DHX37: variants seen among roughly 807,000 people sequenced by gnomAD.
DHX37 encodes the protein probable ATP-dependent RNA helicase DHX37.
Under a neutral mutation model 134.3 loss-of-function variants are expected in DHX37, and 52 were observed. The observed-to-expected ratio is 0.39, with a 90% confidence interval of 0.31 to 0.49. The LOEUF (loss-of-function observed/expected upper bound fraction) is 0.49, where lower values mean the gene tolerates loss of function less well. Among genes scored for constraint, DHX37 ranks in the 20% least tolerant of loss-of-function variants. DHX37 has a pLI of 0.93. For missense variants in DHX37, 1,344 were observed against 1,580.8 expected (o/e 0.85, Z 2.54); for synonymous variants, 634 against 670.7 (o/e 0.95, Z 0.85).
chr12:124,949,957 C>T lies in DHX37; in HGVS notation c.3290+29G>A. On this transcript the variant is annotated intron_variant, in intron 25 of 26. Coordinates refer to ENST00000308736, the MANE Select transcript of DHX37 (RefSeq NM_032656.4). This position sits in a 1 kb window ranked among gnomAD's most constrained non-coding sequence, Gnocchi z 4.0. ...ATTCAGGCCTCGGACCCCTCCTGCCCACTGCGAGGCTCCCACCGAAGGCAG... is the reference window on the plus strand; with the variant it reads ...ATTCAGGCCTCGGACCCCTCCTGCCTACTGCGAGGCTCCCACCGAAGGCAG... 3.8e-6 allele frequency: 6 copies of T among 1,588,164 alleles called. No individual in the cohort carries two copies. Among genetic ancestry groups the T allele is most frequent in the Non-Finnish European group, 5.2e-6 (6 of 1,164,706 alleles).
intron 3 of DHX37, among the ~76,000 whole-genome samples, chr12:124,981,950 C>G (rs1180350630): frequency 6.6e-6 from 1 of 151,536 alleles, no homozygotes; most frequent in Non-Finnish European, 1.5e-5. Flanking sequence ...ATGGAGAAAC[C>G]CCGTCTCTAC....
intron 18 of DHX37, among the ~76,000 whole-genome samples, chr12:124,955,665 G>A (rs1954077892): frequency 6.6e-6 from 1 of 152,260 alleles, no homozygotes; most frequent in Admixed American, 6.5e-5. Flanking sequence ...AGGACCATCT[G>A]ATCTCATTTC....
chr12:124,986,505 G>A (rs1954876144), intron 1 of DHX37, among the ~76,000 whole-genome samples: 1 of 151,962 alleles, frequency 6.6e-6, no homozygotes, highest in Non-Finnish European at 1.5e-5. Context: ...GAGGTCAGGA[G>A]TTCGAGACCA....
At chr12:124,958,314 G>A (rs1345235830) in intron 16 of DHX37, among the ~76,000 whole-genome samples, 1 of 152,162 alleles carries the variant, frequency 6.6e-6, no homozygotes, top group Non-Finnish European at 1.5e-5. Context: ...CCAGGTCTGG[G>A]GGAAGGCAGG....
intron 16 of DHX37, among the ~76,000 whole-genome samples, chr12:124,959,949 G>C (rs771865439): frequency 1.7e-4 from 26 of 152,224 alleles, no homozygotes; most frequent in Non-Finnish European, 3.5e-4. Flanking sequence ...GGAGCAGGGG[G>C]AGGGAGGGTG....
At chr12:124,964,221 T>C (rs1371121433) in intron 15 of DHX37, among the ~76,000 whole-genome samples, 173 bp downstream of exon 15, 3 of 131,126 alleles carry the variant, frequency 2.3e-5, no homozygotes, top group Admixed American at 1.5e-4. Context: ...AAAAAAATAG[T>C]GTGAGTATCT....
chr12:124,976,567 T>C lies in DHX37; in HGVS notation c.887+775A>G, dbSNP rs898611709. On this transcript the variant is annotated intron_variant, in intron 5 of 26. Transcript: ENST00000308736. ...TCTCTTGGCCGGGTGCAGTGGCTCA[T>C]GCCTGTAATCCCAGCACTTTGGGAG... Among the ~76,000 whole-genome samples the C allele has an allele frequency of 8.5e-5, 13 of 152,148 alleles. 1 individual carries two copies. The highest frequency in any genetic ancestry group is 7.7e-4 in the East Asian group (4 of 5,162).
rs564562611 is a variant in DHX37 at position 124,957,990 on chromosome 12, C to T, written c.2158-855G>A. ...GAACATCATACTCAGGGAAAGACGCCGGGCACAAAGGCCACGCATTGTAGG... is the reference window on the plus strand; with the variant it reads ...GAACATCATACTCAGGGAAAGACGCTGGGCACAAAGGCCACGCATTGTAGG... On this transcript the variant is annotated intron_variant, in intron 16 of 26. Coordinates refer to ENST00000308736, the MANE Select transcript of DHX37 (RefSeq NM_032656.4). Among the ~76,000 whole-genome samples the T allele has an allele frequency of 3.7e-4, 57 of 152,274 alleles. No individual in the cohort carries two copies. In the South Asian group the frequency reaches 9.5e-3, roughly 25 times the overall value.
Position 124,980,829 on chromosome 12 carries a change from G to A in DHX37, c.399C>T (p.Asp133=), listed in dbSNP as rs1236036995. 20 of 1,552,388 alleles carry A rather than the reference G, an allele frequency of 1.3e-5. No individual in the cohort carries two copies. The highest frequency in any genetic ancestry group is 3.3e-4 in the Middle Eastern group (2 of 6,012). The part of the protein sequence containing the change: ...NRMYHTKEKA[D]EVVAPGQEKI... ...TCTCCTGGCCCGGGGCTACCACCTC[G>A]TCAGCCTTCCTGTTGAGATAGCAGA... The change falls in exon 4 of 27, where the codon GAC becomes GAT. Residue 133 remains aspartate (D), a synonymous_variant. Transcript: ENST00000308736. This position sits in a 1 kb window ranked among gnomAD's most constrained non-coding sequence, Gnocchi z 5.3.
chr12:124,949,848 AGAGCCTTCAGACC>A lies in DHX37; in HGVS notation c.3290+125_3290+137del. 1.0e-6 allele frequency: 1 copy of A among 996,368 alleles called. No homozygotes were observed. The highest frequency in any genetic ancestry group is 1.5e-6 in the Non-Finnish European group (1 of 682,918). The allele number at this position is 996,368 out of a possible 1,614,324, so 61.7% of individuals were successfully genotyped here. ...GCCGCTGCACAGACCGTGGCTCTGC[AGAGCCTTCAGACC>A]TGAGCACAGACTTCTGATGTTTTAA... On this transcript the variant is annotated intron_variant, in intron 25 of 26. Transcript: ENST00000308736. The surrounding 1 kb of genome is among the most constrained non-coding windows in gnomAD (Gnocchi z 4.0).
At chr12:124,960,807 T>C (rs1330954354) in intron 15 of DHX37, among the ~76,000 whole-genome samples, 1 of 151,974 alleles carries the variant, frequency 6.6e-6, no homozygotes, top group Non-Finnish European at 1.5e-5. Context: ...ATACAAAAAT[T>C]AGCCAGGCAC....
At position 124,979,816 on chromosome 12, in the gene DHX37, C is replaced by T. The variant is rs946298055; in HGVS notation, c.738+674G>A. Among the ~76,000 whole-genome samples, 5 of 152,304 alleles carry T rather than the reference C, an allele frequency of 3.3e-5. No homozygotes were observed. The South Asian group carries it at 8.3e-4, about 25-fold the overall frequency. ...GGTGATGACATCACCTAGAAGCAAACGTTTGTGGTGTGAAGCCACTGGCAC... is the reference window on the plus strand; with the variant it reads ...GGTGATGACATCACCTAGAAGCAAATGTTTGTGGTGTGAAGCCACTGGCAC... On this transcript the variant is annotated intron_variant, in intron 4 of 26. Coordinates refer to ENST00000308736, the MANE Select transcript of DHX37 (RefSeq NM_032656.4).
Position 124,965,806 on chromosome 12 carries a change from G to A in DHX37, c.1597C>T (p.Pro533Ser), listed in dbSNP as rs750017485. 39 of 1,613,420 alleles carry A rather than the reference G, an allele frequency of 2.4e-5. No individual in the cohort carries two copies. The East Asian group carries it at 8.5e-4, about 35-fold the overall frequency. ...RAKKARAEVL[P>S]QINLDHYSVL... ...GAGTAATGATCCAAGTTGATCTGGGGCAGCACCTACGGCGAACAAGACATA... is the reference window on the plus strand; with the variant it reads ...GAGTAATGATCCAAGTTGATCTGGGACAGCACCTACGGCGAACAAGACATA... The change falls in exon 13 of 27, where the codon CCC becomes TCC. Residue 533 changes from proline to serine, a missense_variant. Pro to Ser is a moderately conservative substitution (Grantham distance 74, BLOSUM62 -1). This residue lies in a region of DHX37 where 289 missense variants were observed against 323.8 expected (regional missense o/e 0.89). Transcript: ENST00000308736.
At chr12:124,984,497 C>T (rs1954826078) in intron 2 of DHX37, among the ~76,000 whole-genome samples, 1 of 152,016 alleles carries the variant, frequency 6.6e-6, no homozygotes, top group Non-Finnish European at 1.5e-5. Context: ...CATGCCATTG[C>T]ACTCCAGCCT....
chr12:124,956,930 C>T (rs1446823632), intron 17 of DHX37, 51 bp from the exon 18 acceptor site: 1 of 1,545,652 alleles, frequency 6.5e-7, no homozygotes, highest in African/African-American at 1.4e-5. Context: ...TCTGGAGCCA[C>T]AGCTGGGAGG....
At position 124,983,067 on chromosome 12, in the gene DHX37, G is replaced by A. The variant is rs185012357; in HGVS notation, c.277-444C>T. ...CTTCTTTTAGTTGGGTGAGGGTTTCGTGAGTTTTTACTTTATTGTTCTTGT... is the reference window on the plus strand; with the variant it reads ...CTTCTTTTAGTTGGGTGAGGGTTTCATGAGTTTTTACTTTATTGTTCTTGT... On this transcript the variant is annotated intron_variant, in intron 2 of 26. Transcript: ENST00000308736. Among the ~76,000 whole-genome samples, 38 of 152,226 alleles carry A rather than the reference G, an allele frequency of 2.5e-4. No individual in the cohort carries two copies. The East Asian group carries it at 5.8e-3, about 23-fold the overall frequency.
chr12:124,948,122 T>C lies in DHX37; in HGVS notation c.3350A>G (p.His1117Arg), dbSNP rs761865574. The change falls in exon 26 of 27, where the codon CAT becomes CGT. Residue 1117 changes from histidine to arginine, a missense_variant. Physicochemically the swap from His to Arg is conservative, Grantham distance 29. Coordinates refer to ENST00000308736, the MANE Select transcript of DHX37 (RefSeq NM_032656.4). ...CTTCCAAGCAGCCAGCAAGGCTTCA[T>C]GGCAGTCAGCCTTCTCTGCAACCAG... is the stretch of plus-strand genomic sequence containing the variant. ...RALVAEKADC[H>R]EALLAAWKKN... 85 of 1,614,120 alleles carry C rather than the reference T, an allele frequency of 5.3e-5. 4 individuals are homozygous for C. The South Asian group carries it at 9.3e-4, about 18-fold the overall frequency.
At chr12:124,974,800 G>T (rs561839119) in intron 6 of DHX37, among the ~76,000 whole-genome samples, 282 of 106,260 alleles carry the variant, frequency 2.7e-3, no homozygotes, top group African/African-American at 9.2e-3. Flanking sequence ...TTTTGAGACA[G>T]AGTTTCACTC....
chr12:124,972,835 G>A (rs1037400584), intron 6 of DHX37, among the ~76,000 whole-genome samples: 2 of 152,230 alleles, frequency 1.3e-5, no homozygotes, highest in African/African-American at 2.4e-5. Flanking sequence ...TGAACACCTC[G>A]GCCAGAGCCC....
Sources: allele counts gnomAD v4.1 joint callset (sites outside exome capture counted in the v4.1 genomes callset), GRCh38; gene constraint gnomAD v4.1.1; regional missense constraint gnomAD v4.1.1; non-coding constraint Gnocchi (gnomAD v3.1); transcripts MANE v1.5; gene names NCBI Gene and HGNC (gene_info 2026-07-23, HGNC 2026-07-21).